The following CAPN3 variants were observed in gnomAD, a reference collection of about 807,000 sequenced individuals.
CAPN3 encodes calpain-3.
In CAPN3, 88 loss-of-function variants were observed where a neutral mutation model predicts 114.0. The ratio of observed to expected loss-of-function variants is 0.77; its 90% confidence interval spans 0.65 to 0.92. The LOEUF (loss-of-function observed/expected upper bound fraction) is 0.92. Ranked by LOEUF, CAPN3 falls within the 40% of genes least tolerant of loss-of-function variation. The pLI, the probability that CAPN3 is intolerant of heterozygous loss-of-function variation, is 0.00. For missense variants in CAPN3, 1,028 were observed against 1,069.0 expected (o/e 0.96, Z 0.53); for synonymous variants, 386 against 382.9 (o/e 1.01, Z -0.09).
intron 4 of CAPN3, among the ~76,000 whole-genome samples, chr15:42,388,295 G>A (rs2053456870): frequency 6.6e-6 from 1 of 152,082 alleles, no homozygotes; most frequent in African/African-American, 2.4e-5. Flanking sequence ...CACCCCAGAT[G>A]CTAATAATGG....
At chr15:42,389,809 C>T in intron 5 of CAPN3, 144 bp from the exon 6 acceptor site, 1 of 906,432 alleles carries the variant, frequency 1.1e-6, no homozygotes, top group Non-Finnish European at 1.8e-6. Flanking sequence ...TTTTCTCCGT[C>T]TTTCCTCCAT....
intron 1 of CAPN3, among the ~76,000 whole-genome samples, chr15:42,363,231 C>G (rs1012959647): frequency 6.6e-6 from 1 of 152,192 alleles, no homozygotes; most frequent in Non-Finnish European, 1.5e-5. Flanking sequence ...CCAGGGCAAA[C>G]AATCTGGTTC....
intron 9 of CAPN3, among the ~76,000 whole-genome samples, chr15:42,398,971 G>A (rs1477526543): frequency 6.6e-6 from 1 of 151,878 alleles, no homozygotes; most frequent in Non-Finnish European, 1.5e-5. Flanking sequence ...TTTCAGTAGA[G>A]ATGGGGTTTC....
intron 9 of CAPN3, 119 bp downstream of exon 9, chr15:42,396,996 T>TG: frequency 2.6e-6 from 2 of 783,072 alleles, no homozygotes; most frequent in Non-Finnish European, 4.4e-6. Flanking sequence ...CTGGGCTGTG[T>TG]TCTCCTCCAG....
At chr15:42,381,051 T>A (rs371011712) in intron 1 of CAPN3, among the ~76,000 whole-genome samples, 1 of 152,190 alleles carries the variant, frequency 6.6e-6, no homozygotes, top group East Asian at 1.9e-4. Context: ...AGTATTACCA[T>A]TTCCTTCCTT....
intron 13 of CAPN3, among the ~76,000 whole-genome samples, chr15:42,403,219 G>T (rs1026884591): frequency 2.6e-5 from 4 of 152,218 alleles, no homozygotes; most frequent in African/African-American, 9.6e-5. Flanking sequence ...TAAGGATAGA[G>T]TAGTGAAGTA....
chr15:42,408,484 A>T (rs2054095172), intron 16 of CAPN3, 160 bp downstream of exon 16: 1 of 634,580 alleles, frequency 1.6e-6, no homozygotes, highest in South Asian at 1.5e-5. Flanking sequence ...GTTCCCCTGA[A>T]ATTTGGGCTG....
At chr15:42,402,739 G>A in intron 12 of CAPN3, 55 bp from the exon 13 acceptor site, 1 of 1,595,272 alleles carries the variant, frequency 6.3e-7, no homozygotes, top group African/African-American at 1.3e-5. Flanking sequence ...GCTGTGGCAG[G>A]ACAGGATGTT....
intron 12 of CAPN3, chr15:42,402,477 T>C: frequency 7.0e-7 from 1 of 1,427,500 alleles, no homozygotes; most frequent in South Asian, 1.5e-5. Flanking sequence ...ATCACTTCCC[T>C]CAGAACCCAG....
At chr15:42,391,653 G>A (rs1386403452) in intron 6 of CAPN3, among the ~76,000 whole-genome samples, 2 of 152,174 alleles carry the variant, frequency 1.3e-5, no homozygotes, top group African/African-American at 2.4e-5. Flanking sequence ...CCTATCCAGG[G>A]CTCATGGGAC....
chr15:42,377,819 T>C (rs1053389140), intron 1 of CAPN3, among the ~76,000 whole-genome samples: 6 of 152,092 alleles, frequency 3.9e-5, no homozygotes, highest in Non-Finnish European at 7.4e-5. Context: ...TTTTGGAGGG[T>C]TATTAATTAT....
At chr15:42,395,068 T>C (rs1595829516) in intron 8 of CAPN3, among the ~76,000 whole-genome samples, 1 of 152,284 alleles carries the variant, frequency 6.6e-6, no homozygotes, top group Middle Eastern at 3.4e-3. Flanking sequence ...GCCCCTCGGC[T>C]CCTGTACTTA....
intron 10 of CAPN3, among the ~76,000 whole-genome samples, chr15:42,401,156 T>G (rs1312061787): frequency 6.6e-6 from 1 of 151,638 alleles, no homozygotes; most frequent in Non-Finnish European, 1.5e-5. Context: ...ATCGCGCCAC[T>G]GCACTCTAGC....
chr15:42,382,617 C>T (rs895520727), intron 1 of CAPN3, among the ~76,000 whole-genome samples: 2 of 152,194 alleles, frequency 1.3e-5, no homozygotes, highest in Admixed American at 6.5e-5. Flanking sequence ...GATCCTCCCA[C>T]CTTGGCCTCT....
In CAPN3 at chr15:42,410,928, T is replaced by C; in HGVS notation, c.2308T>C (p.Tyr770His). 6.2e-7 allele frequency: 1 copy of C among 1,614,230 alleles called. No homozygotes were observed. The highest frequency in any genetic ancestry group is 1.1e-5 in the South Asian group (1 of 91,088). Reference sequence around the variant, plus strand: ...GCTCTATGACATCATTACCATGCGGTACGCAGACAAACACATGAACATCGA... The same window carrying C: ...GCTCTATGACATCATTACCATGCGGCACGCAGACAAACACATGAACATCGA... ...NQLYDIITMR[Y>H]ADKHMNIDFD... Residue 770 changes from tyrosine (Y) to histidine (H), a missense_variant, in exon 22 of 24, where the codon TAC becomes CAC. Transcript: ENST00000397163.
At chr15:42,362,702 G>C (rs542697807) in intron 1 of CAPN3, among the ~76,000 whole-genome samples, 1 of 152,200 alleles carries the variant, frequency 6.6e-6, no homozygotes, top group Non-Finnish European at 1.5e-5. Flanking sequence ...TTGCTTTATA[G>C]GTGATTAAGG....
chr15:42,405,974 G>A, intron 15 of CAPN3, 31 bp downstream of exon 15: 2 of 1,592,802 alleles, frequency 1.3e-6, no homozygotes, highest in South Asian at 2.2e-5. Flanking sequence ...CATGAAGTGT[G>A]TGTACTCATG....
intron 1 of CAPN3, 149 bp from the exon 2 acceptor site, chr15:42,384,334 C>T (rs2053325482): frequency 1.5e-6 from 1 of 671,136 alleles, no homozygotes; most frequent in Admixed American, 2.1e-5. Flanking sequence ...ATCACTTGAA[C>T]CCCGGAGGCA....
intron 1 of CAPN3, among the ~76,000 whole-genome samples, chr15:42,369,714 A>C (rs924245901): frequency 3.3e-5 from 5 of 151,874 alleles, no homozygotes; most frequent in African/African-American, 9.7e-5. Flanking sequence ...CATCTTGTAC[A>C]TTTGTTGCCC....
Sources: allele counts gnomAD v4.1 joint callset (sites outside exome capture counted in the v4.1 genomes callset), GRCh38; gene constraint gnomAD v4.1.1; transcripts MANE v1.5; gene names NCBI Gene and HGNC (gene_info 2026-07-23, HGNC 2026-07-21).